The following MAG variants were observed in gnomAD, a reference collection of about 807,000 sequenced individuals.
MAG encodes myelin associated glycoprotein.
MAG carries 30 observed loss-of-function variants against 60.7 expected under a neutral mutation model. The ratio of observed to expected loss-of-function variants is 0.49; its 90% CI spans 0.37 to 0.67. The LOEUF (loss-of-function observed/expected upper bound fraction) is 0.67, where lower values mean the gene tolerates loss of function less well. Among genes scored for constraint, MAG ranks in the 30% least tolerant of loss-of-function variants. The pLI is 0.00. For missense variants in MAG, 795 were observed against 851.7 expected, an observed-to-expected ratio of 0.93 and a Z score of 0.83; for synonymous variants, 384 against 376.8, an observed-to-expected ratio of 1.02 and a Z score of -0.22.
chr19:35,303,932 G>A (rs2145617171), intron 7 of MAG, among the ~76,000 whole-genome samples: 1 of 151,974 alleles, frequency 6.6e-6, no homozygotes, highest in African/African-American at 2.4e-5. Context: ...AGTTCCTGTT[G>A]GCTTCTAGCA....
Position 35,299,569 on chromosome 19 carries a change from T to C in MAG, c.431T>C (p.Val144Ala). The C allele has an allele frequency of 6.3e-7, 1 of 1,592,180 alleles. No homozygotes were observed. Among genetic ancestry groups the C allele is most frequent in the Non-Finnish European group, 8.6e-7 (1 of 1,164,176 alleles). The change falls in exon 5 of 11, where the codon GTG (valine) becomes GCG (alanine). Residue 144 changes from valine to alanine, a missense_variant. Coordinates refer to ENST00000392213, the MANE Select transcript of MAG (RefSeq NM_002361.4). Reference sequence around the variant, plus strand: ...CCTCGTATAGACACCCCCAACATCGTGGTGCCCCCAGAGGTGGTGGCAGGC... The same window carrying C: ...CCTCGTATAGACACCCCCAACATCGCGGTGCCCCCAGAGGTGGTGGCAGGC... ...VLDIVNTPNI[V>A]VPPEVVAGTE...
In MAG at chr19:35,300,112, C is replaced by T. The variant is rs767782646; in HGVS notation, c.713-35C>T. 7 of 1,504,910 alleles carry T rather than the reference C, an allele frequency of 4.7e-6. No individual in the cohort carries two copies. The South Asian group carries it at 7.8e-5, about 17-fold the overall frequency. 93.2% of individuals were successfully genotyped at this position (1,504,910 alleles called of 1,614,324 possible). A position where few individuals can be genotyped will look rare whatever the true frequency, so the allele number is the denominator to read the frequency against. On this transcript the variant is annotated intron_variant, in intron 5 of 10. Transcript: ENST00000392213. ...AGGGCACTGGGCCGGTTCCCCAGCA[C>T]CTGCTCACTAACCTCGCTGTGTCGC... is the stretch of plus-strand genomic sequence containing the variant.
Position 35,309,865 on chromosome 19 carries a change from C to A in MAG, c.1232-9C>A. Reference sequence around the variant, plus strand: ...CGGGCCACCCTCAGACCTGATTTTGCCCCTGCAGTCGCCCCTGTGCTCCTC... The same window carrying A: ...CGGGCCACCCTCAGACCTGATTTTGACCCTGCAGTCGCCCCTGTGCTCCTC... On this transcript the variant is annotated splice_polypyrimidine_tract_variant and intron_variant, in intron 7 of 10. Transcript: ENST00000392213. The A allele has an allele frequency of 6.2e-7, 1 of 1,602,824 alleles. No homozygotes were observed. Among genetic ancestry groups the A allele is most frequent in the Non-Finnish European group, 8.5e-7 (1 of 1,175,786 alleles).
At chr19:35,309,827 C>T in intron 7 of MAG, 47 bp from the exon 8 acceptor site, 1 of 1,579,934 alleles carries the variant, frequency 6.3e-7, no homozygotes, top group Non-Finnish European at 8.6e-7. Context: ...GGGGCCGGGC[C>T]TCGCGTTGGC....
intron 7 of MAG, among the ~76,000 whole-genome samples, chr19:35,304,965 C>T (rs1374374928): frequency 1.3e-5 from 2 of 152,134 alleles, no homozygotes; most frequent in African/African-American, 2.4e-5. Flanking sequence ...AAAGTGGGTC[C>T]GAGCCCGATA....
chr19:35,313,614 C>A lies in MAG; in HGVS notation c.*160C>A. ...TGGGGGCCTGACCTCCCCCTCCTTC[C>A]CAGCTGCCCCTCCCTGCCAGCACCC... On this transcript the variant is annotated 3_prime_UTR_variant, in exon 11 of 11. Coordinates refer to ENST00000392213, the MANE Select transcript of MAG (RefSeq NM_002361.4). 1.6e-6 allele frequency: 1 copy of A among 640,894 alleles called. No homozygotes were observed. Among genetic ancestry groups the A allele is most frequent in the Non-Finnish European group, 2.6e-6 (1 of 380,156 alleles). 39.7% of individuals were successfully genotyped at this position (640,894 alleles called of 1,614,324 possible). A position where few individuals can be genotyped will look rare whatever the true frequency, so the allele number is the denominator to read the frequency against.
At position 35,295,609 on chromosome 19, in the gene MAG, G is replaced by T. The variant is rs147119099; in HGVS notation, c.47-4G>T. ...TGAGCCTCAGCTCTCCTGCTTGCCCGCAGCCTCCCGAGGGGGTCACTGGGG... is the reference window on the plus strand; with the variant it reads ...TGAGCCTCAGCTCTCCTGCTTGCCCTCAGCCTCCCGAGGGGGTCACTGGGG... On this transcript the variant is annotated splice_region_variant and splice_polypyrimidine_tract_variant and intron_variant, in intron 3 of 10. Transcript: ENST00000392213. The surrounding 1 kb of genome is among the most constrained non-coding windows in gnomAD (Gnocchi z 5.8). The T allele has an allele frequency of 8.5e-3, 13,645 of 1,598,704 alleles. 67 individuals are homozygous for T. The highest frequency in any genetic ancestry group is 0.01 in the Non-Finnish European group (11,817 of 1,173,606).
chr19:35,296,446 C>T (rs1463078962), intron 4 of MAG, among the ~76,000 whole-genome samples: 1 of 152,230 alleles, frequency 6.6e-6, no homozygotes, highest in Non-Finnish European at 1.5e-5. Context: ...CAACAGAAAG[C>T]AGGGCGGTGG....
intron 6 of MAG, 30 bp downstream of exon 6, chr19:35,300,434 C>G (rs926531371): frequency 6.5e-7 from 1 of 1,528,982 alleles, no homozygotes; most frequent in African/African-American, 1.4e-5. Context: ...CGTCCACACG[C>G]CCACCTGCAG....
chr19:35,310,252 A>G lies in MAG; in HGVS notation c.1519+91A>G, dbSNP rs1342102266. ...CAAGGCTGACCAACAGCCACAGAGC[A>G]TGGGCTATGCAGATTGACAGAAAGG... On this transcript the variant is annotated intron_variant, in intron 8 of 10. Coordinates refer to ENST00000392213, the MANE Select transcript of MAG (RefSeq NM_002361.4). 2.1e-6 allele frequency: 3 copies of G among 1,438,624 alleles called. No individual in the cohort carries two copies. The African/African-American group carries it at 4.3e-5, about 20-fold the overall frequency. The allele number at this position is 1,438,624 out of a possible 1,614,324, so 89.1% of individuals were successfully genotyped here.
chr19:35,295,738 G>T lies in MAG; in HGVS notation c.172G>T (p.Val58Phe). 1 of 1,613,938 alleles carries T rather than the reference G, an allele frequency of 6.2e-7. No homozygotes were observed. Among genetic ancestry groups the T allele is most frequent in the Non-Finnish European group, 8.5e-7 (1 of 1,180,024 alleles). Residue 58 changes from valine (V) to phenylalanine (F), a missense_variant, in exon 4 of 11, where the codon GTC (valine) becomes TTC (phenylalanine). By Grantham distance (50) the Val-to-Phe change is conservative. Coordinates refer to ENST00000392213, the MANE Select transcript of MAG (RefSeq NM_002361.4). The surrounding 1 kb of genome is among the most constrained non-coding windows in gnomAD (Gnocchi z 5.8). ...DELRPAVVHGVWYFNSPYPKN... is the reference protein window; with the variant it reads ...DELRPAVVHGFWYFNSPYPKN... ...GCTGCGGCCCGCTGTGGTGCATGGTGTCTGGTACTTCAATAGCCCCTACCC... is the reference window on the plus strand; with the variant it reads ...GCTGCGGCCCGCTGTGGTGCATGGTTTCTGGTACTTCAATAGCCCCTACCC...
intron 10 of MAG, chr19:35,312,626 G>A (rs1049289381): frequency 3.7e-5 from 19 of 518,316 alleles, no homozygotes; most frequent in Admixed American, 6.6e-5. Context: ...AGGACCCATG[G>A]GGGGGCACGT....
intron 7 of MAG, 146 bp from the exon 8 acceptor site, chr19:35,309,728 A>G: frequency 1.2e-6 from 1 of 864,302 alleles, no homozygotes; most frequent in Non-Finnish European, 1.8e-6. Context: ...CAGGACAGAG[A>G]AAAAAGGAGG....
chr19:35,298,325 C>T (rs1053221188), intron 4 of MAG, among the ~76,000 whole-genome samples: 4 of 149,306 alleles, frequency 2.7e-5, no homozygotes, highest in Admixed American at 6.7e-5. Flanking sequence ...CCAAACCACA[C>T]GCCACACACC....
rs148764899 is a variant in MAG at position 35,309,287 on chromosome 19, T to C, written c.1232-587T>C. Among the ~76,000 whole-genome samples the C allele has an allele frequency of 3.3e-3, 496 of 152,124 alleles. 4 individuals carry two copies. Among genetic ancestry groups the C allele is most frequent in the African/African-American group, 0.011 (437 of 41,504 alleles). On this transcript the variant is annotated intron_variant, in intron 7 of 10. Coordinates refer to ENST00000392213, the MANE Select transcript of MAG (RefSeq NM_002361.4). ...CACTAAACCACCAGGTGATCATCAG[T>C]CCAAAGCATTTGGGAGGGGAACTTG...
chr19:35,293,643 G>A lies in MAG; in HGVS notation c.-79-592G>A, dbSNP rs946486615. Among the ~76,000 whole-genome samples the A allele has an allele frequency of 1.3e-5, 2 of 152,040 alleles. No homozygotes were observed. Among genetic ancestry groups the A allele is most frequent in the Admixed American group, 6.5e-5 (1 of 15,276 alleles). Reference sequence around the variant, plus strand: ...AACCCATGGAGCAGCAGGGTGCCAGGGGCTCGCTAGCCCCCACCCTGGGCC... The same window carrying A: ...AACCCATGGAGCAGCAGGGTGCCAGAGGCTCGCTAGCCCCCACCCTGGGCC... On this transcript the variant is annotated intron_variant, in intron 1 of 10. Coordinates refer to ENST00000392213, the MANE Select transcript of MAG (RefSeq NM_002361.4). The surrounding 1 kb of genome is among the most constrained non-coding windows in gnomAD (Gnocchi z 4.0).
chr19:35,299,700 C>A lies in MAG; in HGVS notation c.562C>A (p.Arg188=). 6.3e-7 allele frequency: 1 copy of A among 1,588,728 alleles called. No homozygotes were observed. Among genetic ancestry groups the A allele is most frequent in the Non-Finnish European group, 8.6e-7 (1 of 1,168,618 alleles). ...EGLGEPAVLG[R]LREDEGTWVQ... is the part of the protein sequence containing the mutation. ...GCTGGGGGAGCCCGCTGTGCTGGGC[C>A]GGCTGCGGGAGGACGAGGGCACCTG... The change falls in exon 5 of 11, where the codon CGG becomes AGG. Residue 188 remains arginine, a synonymous_variant. Coordinates refer to ENST00000392213, the MANE Select transcript of MAG (RefSeq NM_002361.4).
chr19:35,307,075 C>G (rs1049340525), intron 7 of MAG, among the ~76,000 whole-genome samples: 2 of 152,268 alleles, frequency 1.3e-5, no homozygotes, highest in African/African-American at 4.8e-5. Flanking sequence ...AACACTTTGT[C>G]ACCAGAGCAC....
At chr19:35,308,930 G>C (rs545702428) in intron 7 of MAG, among the ~76,000 whole-genome samples, 1 of 152,280 alleles carries the variant, frequency 6.6e-6, no homozygotes, top group African/African-American at 2.4e-5. Context: ...CTATAGTACT[G>C]CCACTGCACT....
Sources: gnomAD v4.1 joint callset for allele counts (sites outside exome capture counted in the v4.1 genomes callset) on GRCh38, gnomAD v4.1.1 for gene constraint, Gnocchi (gnomAD v3.1) non-coding constraint, MANE v1.5 for transcripts, NCBI Gene and HGNC (gene_info 2026-07-23, HGNC 2026-07-21) for gene names.